CNTN4: variants seen among roughly 807,000 people sequenced by gnomAD.
The protein encoded by CNTN4 is contactin-4.
A neutral mutation model predicts 122.5 loss-of-function variants in CNTN4; 77 were observed. The ratio of observed to expected loss-of-function variants is 0.63; its 90% CI spans 0.52 to 0.76. The LOEUF is 0.76. Ranked by LOEUF, CNTN4 falls within the 30% of genes least tolerant of loss-of-function variation. CNTN4 has a pLI of 0.00. For missense variants in CNTN4, 1,256 were observed against 1,259.1 expected, an observed-to-expected ratio of 1.00 and a Z score of 0.04; for synonymous variants, 512 against 447.0, an observed-to-expected ratio of 1.15 and a Z score of -1.83.
intron 3 of CNTN4, among the ~76,000 whole-genome samples, chr3:2,513,496 T>A (rs148086341): frequency 1.3e-5 from 2 of 152,280 alleles, no homozygotes; most frequent in East Asian, 3.9e-4. Context: ...GAGTTTCGAT[T>A]TCTTTTTTTT....
At chr3:2,173,846 A>C (rs1269336057) in intron 2 of CNTN4, among the ~76,000 whole-genome samples, 3 of 152,204 alleles carry the variant, frequency 2.0e-5, no homozygotes, top group Non-Finnish European at 4.4e-5. Flanking sequence ...CTAAAGGAAA[A>C]AATAATTAAA....
chr3:2,140,735 G>A lies in CNTN4; in HGVS notation c.-145+40096G>A, dbSNP rs2034951275. On this transcript the variant is annotated intron_variant, in intron 2 of 24. Coordinates refer to ENST00000418658, the MANE Select transcript of CNTN4 (RefSeq NM_175607.3). ...AATTAAGAACTAGGTATATGTAAAA[G>A]CATGGCTCCTTTTTTGGTACAAAGC... Among the ~76,000 whole-genome samples the A allele has an allele frequency of 2.0e-5, 3 of 152,304 alleles. No individual in the cohort carries two copies. The South Asian group carries it at 6.2e-4, about 32-fold the overall frequency.
intron 4 of CNTN4, among the ~76,000 whole-genome samples, chr3:2,637,446 T>C (rs2082709185): frequency 6.6e-6 from 1 of 152,052 alleles, no homozygotes; most frequent in South Asian, 2.1e-4. Context: ...AGGCATTCGA[T>C]GAAGAGTCCT....
chr3:3,044,114 G>C (rs1370758081), intron 23 of CNTN4, among the ~76,000 whole-genome samples: 1 of 151,990 alleles, frequency 6.6e-6, no homozygotes, highest in Non-Finnish European at 1.5e-5. Flanking sequence ...CTATAGTCAA[G>C]AGTTATATAA....
chr3:2,263,569 G>C (rs2040922166), intron 2 of CNTN4, among the ~76,000 whole-genome samples: 1 of 152,010 alleles, frequency 6.6e-6, no homozygotes, highest in African/African-American at 2.4e-5. Flanking sequence ...ATGTAGTAAT[G>C]ATCAAATTAG....
At chr3:2,526,246 G>A (rs1400484661) in intron 3 of CNTN4, among the ~76,000 whole-genome samples, 1 of 151,994 alleles carries the variant, frequency 6.6e-6, no homozygotes, top group Non-Finnish European at 1.5e-5. Context: ...AGTAAAAACT[G>A]AGAATACTCT....
intron 3 of CNTN4, among the ~76,000 whole-genome samples, chr3:2,482,662 C>G (rs936628884): frequency 1.6e-4 from 24 of 152,144 alleles, no homozygotes; most frequent in Non-Finnish European, 3.1e-4. Flanking sequence ...ACATGGTGCC[C>G]TGCATCCCAG....
At chr3:2,952,188 A>G (rs1042530157) in intron 13 of CNTN4, among the ~76,000 whole-genome samples, 1 of 152,216 alleles carries the variant, frequency 6.6e-6, no homozygotes, top group South Asian at 2.1e-4. Context: ...AAGCAGCCTT[A>G]TCGAAAGCCT....
chr3:2,672,144 C>T (rs1186300527), intron 4 of CNTN4, among the ~76,000 whole-genome samples: 2 of 152,208 alleles, frequency 1.3e-5, no homozygotes, highest in East Asian at 3.9e-4. Flanking sequence ...TCCAAGCTGT[C>T]AGACAGGGAC....
chr3:2,361,820 G>A (rs1388470896), intron 3 of CNTN4, among the ~76,000 whole-genome samples: 1 of 152,198 alleles, frequency 6.6e-6, no homozygotes, highest in African/African-American at 2.4e-5. Flanking sequence ...CTGCGAATCT[G>A]TGAGGGAGCA....
At chr3:2,615,550 G>T (rs573381882) in intron 4 of CNTN4, among the ~76,000 whole-genome samples, 2 of 147,234 alleles carry the variant, frequency 1.4e-5, no homozygotes, top group Admixed American at 1.4e-4. Flanking sequence ...GATTAAGACA[G>T]TGGAATGAAG....
intron 4 of CNTN4, among the ~76,000 whole-genome samples, chr3:2,659,138 T>A (rs1304410624): frequency 6.6e-6 from 1 of 152,064 alleles, no homozygotes; most frequent in African/African-American, 2.4e-5. Context: ...ATACTCTTTA[T>A]TGAAGAGTAA....
chr3:2,555,192 C>T (rs540349801), intron 3 of CNTN4, among the ~76,000 whole-genome samples: 40 of 152,266 alleles, frequency 2.6e-4, no homozygotes, highest in African/African-American at 8.9e-4. Context: ...GAGTCAACTT[C>T]GTGAGTCACT....
intron 4 of CNTN4, among the ~76,000 whole-genome samples, chr3:2,724,113 G>A (rs1405149026): frequency 1.3e-5 from 2 of 152,180 alleles, no homozygotes; most frequent in African/African-American, 4.8e-5. Context: ...GAGAGTCAGA[G>A]TTGATTTGTA....
chr3:2,751,368 A>G (rs1314698556), intron 6 of CNTN4, among the ~76,000 whole-genome samples: 1 of 152,094 alleles, frequency 6.6e-6, no homozygotes, highest in Non-Finnish European at 1.5e-5. Flanking sequence ...AATGAATCAA[A>G]CAAGCCCTCA....
intron 3 of CNTN4, among the ~76,000 whole-genome samples, chr3:2,495,995 C>G (rs1032962190): frequency 6.6e-6 from 1 of 152,148 alleles, no homozygotes; most frequent in Non-Finnish European, 1.5e-5. Context: ...CCCTAACCAT[C>G]CAGATGATAG....
intron 3 of CNTN4, among the ~76,000 whole-genome samples, chr3:2,465,034 A>T (rs1288814833): frequency 1.3e-5 from 2 of 152,196 alleles, no homozygotes; most frequent in Admixed American, 1.3e-4. Context: ...AAAAGGTCTG[A>T]AGATGGATGG....
chr3:2,661,163 T>A (rs887732832), intron 4 of CNTN4, among the ~76,000 whole-genome samples: 1 of 152,200 alleles, frequency 6.6e-6, no homozygotes, highest in African/African-American at 2.4e-5. Context: ...TTAGCCAGAC[T>A]AAGATGACAA....
At chr3:2,574,173 G>GTA (rs1559254908) in intron 4 of CNTN4, among the ~76,000 whole-genome samples, 76 of 151,888 alleles carry the variant, frequency 5.0e-4, no homozygotes, top group African/African-American at 1.6e-3. Context: ...CCGAGATCAC[G>GTA]CCACTGCACT....
Sources: gnomAD v4.1 joint callset for allele counts (sites outside exome capture counted in the v4.1 genomes callset) on GRCh38, gnomAD v4.1.1 for gene constraint, MANE v1.5 for transcripts, NCBI Gene and HGNC (gene_info 2026-07-23, HGNC 2026-07-21) for gene names.